Variants in CDH12 observed in about 807,000 individuals in gnomAD.
CDH12 encodes cadherin-12.
A neutral mutation model predicts 74.1 loss-of-function variants in CDH12; 41 were observed. That is an observed-to-expected ratio of 0.55 (90% CI 0.43 to 0.72). CDH12 has a LOEUF of 0.72. Ranked by LOEUF, CDH12 falls within the 30% of genes least tolerant of loss-of-function variation. The pLI is 0.00. For missense variants in CDH12, 945 were observed against 977.2 expected (o/e 0.97, Z 0.44); for synonymous variants, 399 against 355.0 (o/e 1.12, Z -1.39).
chr5:22,026,757 C>G (rs1009338386), intron 5 of CDH12, among the ~76,000 whole-genome samples: 1 of 152,130 alleles, frequency 6.6e-6, no homozygotes, highest in East Asian at 1.9e-4. Context: ...CACCCACACT[C>G]CTGTCTTGAG....
chr5:21,871,708 C>T (rs143739006), intron 6 of CDH12, among the ~76,000 whole-genome samples: 1 of 152,204 alleles, frequency 6.6e-6, no homozygotes, highest in Non-Finnish European at 1.5e-5. Flanking sequence ...GCTTAGGCAA[C>T]AAGAGCAAAA....
chr5:22,519,237 G>A (rs762847049), intron 1 of CDH12, among the ~76,000 whole-genome samples: 3 of 152,166 alleles, frequency 2.0e-5, no homozygotes, highest in South Asian at 2.1e-4. Context: ...TGTACTGCTC[G>A]ATTAAATCTA....
intron 3 of CDH12, among the ~76,000 whole-genome samples, chr5:22,301,115 C>T (rs193256766): frequency 1.3e-4 from 19 of 151,982 alleles, no homozygotes; most frequent in Admixed American, 4.6e-4. Flanking sequence ...AGACTAAGTT[C>T]GGCAATGTAT....
intron 1 of CDH12, among the ~76,000 whole-genome samples, chr5:22,663,866 T>A (rs1740472080): frequency 1.3e-5 from 2 of 152,106 alleles, no homozygotes; most frequent in Non-Finnish European, 1.5e-5. Context: ...GATTAGTTAC[T>A]CTTTTTGGTC....
intron 3 of CDH12, among the ~76,000 whole-genome samples, chr5:22,224,283 A>C (rs1043112567): frequency 1.2e-4 from 18 of 152,044 alleles, no homozygotes; most frequent in Non-Finnish European, 2.1e-4. Flanking sequence ...TTGAGAATGG[A>C]AGTAGTACTT....
chr5:22,188,744 T>C (rs1028576847), intron 4 of CDH12, among the ~76,000 whole-genome samples: 10 of 152,166 alleles, frequency 6.6e-5, no homozygotes, highest in African/African-American at 2.4e-4. Context: ...TAAAACTCTC[T>C]CAGAAGCAAG....
intron 6 of CDH12, among the ~76,000 whole-genome samples, chr5:21,947,435 C>G (rs968845764): frequency 9.2e-5 from 14 of 152,096 alleles, no homozygotes; most frequent in African/African-American, 3.4e-4. Context: ...CTGAGGTGGT[C>G]TTGGATGGAG....
chr5:22,539,000 A>T (rs910296716), intron 1 of CDH12, among the ~76,000 whole-genome samples: 9 of 152,138 alleles, frequency 5.9e-5, no homozygotes, highest in Non-Finnish European at 1.3e-4. Context: ...GGCTCAAGTG[A>T]TCCTCCCACC....
chr5:22,279,459 T>C (rs1366789884), intron 3 of CDH12, among the ~76,000 whole-genome samples: 4 of 152,294 alleles, frequency 2.6e-5, no homozygotes, highest in Middle Eastern at 3.4e-3. Context: ...ATGTGCCATG[T>C]TGGTGTGCTG....
intron 1 of CDH12, among the ~76,000 whole-genome samples, chr5:22,568,583 A>C (rs933841568): frequency 6.6e-6 from 1 of 152,182 alleles, no homozygotes; most frequent in Non-Finnish European, 1.5e-5. Context: ...ATGAAATTTT[A>C]AAGACAACTA....
chr5:22,496,741 A>T (rs951260647), intron 2 of CDH12, among the ~76,000 whole-genome samples: 8 of 152,180 alleles, frequency 5.3e-5, no homozygotes, highest in African/African-American at 1.9e-4. Flanking sequence ...CAATTGACCC[A>T]GTTGAAAGGC....
At chr5:22,116,864 CTT>C (rs70957090) in intron 4 of CDH12, among the ~76,000 whole-genome samples, 8,795 of 107,826 alleles carry the variant, frequency 0.082, 299 homozygotes, top group South Asian at 0.13. Flanking sequence ...CTGCAAGTCT[CTT>C]TTTTTTTTTT....
At chr5:22,072,785 C>A (rs1742045442) in intron 5 of CDH12, among the ~76,000 whole-genome samples, 1 of 151,660 alleles carries the variant, frequency 6.6e-6, no homozygotes, top group Non-Finnish European at 1.5e-5. Context: ...TTGTTCAATT[C>A]CCACCTATTA....
chr5:22,760,126 T>C (rs1407937440), intron 1 of CDH12, among the ~76,000 whole-genome samples: 1 of 152,200 alleles, frequency 6.6e-6, no homozygotes, highest in Non-Finnish European at 1.5e-5. Flanking sequence ...ATTGCATCCT[T>C]TGTAGCAATG....
At chr5:22,179,828 T>C (rs1749539112) in intron 4 of CDH12, among the ~76,000 whole-genome samples, 1 of 152,136 alleles carries the variant, frequency 6.6e-6, no homozygotes, top group Non-Finnish European at 1.5e-5. Context: ...TTTAGGAAGG[T>C]ACTAAGAGTG....
At chr5:22,794,575 T>C (rs1748091602) in intron 1 of CDH12, among the ~76,000 whole-genome samples, 1 of 152,170 alleles carries the variant, frequency 6.6e-6, no homozygotes, top group South Asian at 2.1e-4. Flanking sequence ...TGTTATTTTA[T>C]TTCGTTTTAA....
chr5:22,360,342 A>C, intron 3 of CDH12, among the ~76,000 whole-genome samples: 1 of 152,194 alleles, frequency 6.6e-6, no homozygotes, highest in Non-Finnish European at 1.5e-5. Flanking sequence ...AGAAATGGAT[A>C]AATTCCTCCA....
intron 2 of CDH12, among the ~76,000 whole-genome samples, chr5:22,454,620 G>T (rs919015832): frequency 6.6e-6 from 1 of 152,030 alleles, no homozygotes; most frequent in Non-Finnish European, 1.5e-5. Context: ...TTACAGGTGT[G>T]TGCTACCACA....
At chr5:22,705,748 GA>G (rs1265498654) in intron 1 of CDH12, among the ~76,000 whole-genome samples, 3 of 151,852 alleles carry the variant, frequency 2.0e-5, no homozygotes, top group African/African-American at 7.3e-5. Flanking sequence ...GAGGGATAAG[GA>G]GATATAATAC....
Sources: allele counts gnomAD v4.1 joint callset (sites outside exome capture counted in the v4.1 genomes callset), GRCh38; gene constraint gnomAD v4.1.1; transcripts MANE v1.5; gene names NCBI Gene and HGNC (gene_info 2026-07-23, HGNC 2026-07-21).